Variants in WDR25 observed in about 807,000 individuals in gnomAD.
WDR25 encodes WD repeat-containing protein 25.
Under a neutral mutation model 47.7 loss-of-function variants are expected in WDR25, and 35 were observed. The observed-to-expected ratio is 0.73, with a 90% CI of 0.56 to 0.97. The LOEUF is 0.97. Ranked by LOEUF, WDR25 falls within the 50% of genes least tolerant of loss-of-function variation. WDR25 has a pLI of 0.00. For synonymous variants in WDR25, 248 were observed against 278.9 expected, an observed-to-expected ratio of 0.89 and a Z score of 1.10; for missense variants, 634 against 704.7, an observed-to-expected ratio of 0.90 and a Z score of 1.14.
At chr14:100,491,058 G>GT (rs1177523661) in intron 4 of WDR25, among the ~76,000 whole-genome samples, 1 of 152,186 alleles carries the variant, frequency 6.6e-6, no homozygotes, top group African/African-American at 2.4e-5. Context: ...AACTGGGGAC[G>GT]TGGTGGAGCC....
At position 100,424,175 on chromosome 14, in the gene WDR25, C is replaced by G. The variant is rs747907056; in HGVS notation, c.822+42429C>G. Among the ~76,000 whole-genome samples the G allele has an allele frequency of 1.3e-5, 2 of 152,176 alleles. No homozygotes were observed. Among genetic ancestry groups the G allele is most frequent in the Non-Finnish European group, 2.9e-5 (2 of 68,044 alleles). ...GGCACCACGGGCGAGGCCTCCCAGG[C>G]TGGCTGGGTGAGTGTTCCTGAGCCC... On this transcript the variant is annotated intron_variant, in intron 2 of 6. Coordinates refer to ENST00000402312, the MANE Select transcript of WDR25 (RefSeq NM_001161476.3). This position sits in a 1 kb window ranked among gnomAD's most constrained non-coding sequence, Gnocchi z 4.2.
rs1335367459 is a variant in WDR25, at chr14:100,407,852, G to A, written c.822+26106G>A. Among the ~76,000 whole-genome samples, 1 of 152,142 alleles carries A rather than the reference G, an allele frequency of 6.6e-6. No homozygotes were observed. The highest frequency in any genetic ancestry group is 2.4e-5 in the African/African-American group (1 of 41,418). On this transcript the variant is annotated intron_variant, in intron 2 of 6. Coordinates refer to ENST00000402312, the MANE Select transcript of WDR25 (RefSeq NM_001161476.3). This position sits in a 1 kb window ranked among gnomAD's most constrained non-coding sequence, Gnocchi z 4.1. ...GCCTCTCACGTGTATTGCCTCTCAC[G>A]TGTATTGTCTGTGAGTGTGCTGGGC...
At position 100,517,106 on chromosome 14, in the gene WDR25, GTTTTTTTTTTTTTT is replaced by G. The variant is rs796096587; in HGVS notation, c.1102-8750_1102-8737del. 5.8e-4 allele frequency among the ~76,000 whole-genome samples: 38 copies of G among 65,890 alleles called. 2 individuals carry two copies. In the South Asian group the frequency reaches 0.014, roughly 24 times the overall value. 43.2% of individuals were successfully genotyped at this position (65,890 alleles called of 152,430 possible). On this transcript the variant is annotated intron_variant, in intron 4 of 6. Coordinates refer to ENST00000402312, the MANE Select transcript of WDR25 (RefSeq NM_001161476.3). ...CCACTGCACCTGACATATCTCCTCT[GTTTTTTTTTTTTTT>G]TTTTTTTTTTTTTGAGACGGAGTCT...
chr14:100,453,990 G>A (rs908443125), intron 2 of WDR25, among the ~76,000 whole-genome samples: 8 of 152,076 alleles, frequency 5.3e-5, no homozygotes, highest in Non-Finnish European at 1.0e-4. Flanking sequence ...CCTTTCCTTC[G>A]AGAGACCTTG....
intron 2 of WDR25, among the ~76,000 whole-genome samples, chr14:100,427,110 C>T (rs767795964): frequency 3.9e-5 from 6 of 152,156 alleles, no homozygotes; most frequent in Non-Finnish European, 7.3e-5. Flanking sequence ...TCCTCCTCCT[C>T]CTCTCTGCTG....
rs571805441 is a variant in WDR25, at chr14:100,430,746, G to A, written c.823-37275G>A. On this transcript the variant is annotated intron_variant, in intron 2 of 6. Coordinates refer to ENST00000402312, the MANE Select transcript of WDR25 (RefSeq NM_001161476.3). The surrounding 1 kb of genome is among the most constrained non-coding windows in gnomAD (Gnocchi z 4.7). ...GATGGTGGAGATGCAGGAAGCCCAT[G>A]CTGACGTGCGGAGTGGGCCTGCACA... 1.3e-5 allele frequency among the ~76,000 whole-genome samples: 2 copies of A among 152,308 alleles called. No individual in the cohort carries two copies. Among genetic ancestry groups the A allele is most frequent in the East Asian group, 3.9e-4 (2 of 5,168 alleles).
intron 2 of WDR25, 134 bp downstream of exon 2, chr14:100,381,880 C>A: frequency 1.3e-6 from 1 of 761,410 alleles, no homozygotes; most frequent in Non-Finnish European, 2.1e-6. Context: ...TTGTTGCATT[C>A]CAGAAAGGGT....
At chr14:100,398,053 A>G (rs544052054) in intron 2 of WDR25, among the ~76,000 whole-genome samples, 1 of 152,230 alleles carries the variant, frequency 6.6e-6, no homozygotes, top group East Asian at 1.9e-4. Context: ...TGGCCAGGCT[A>G]TCTCCAACTC....
At chr14:100,517,440 T>TG (rs1345634579) in intron 4 of WDR25, among the ~76,000 whole-genome samples, 1 of 152,216 alleles carries the variant, frequency 6.6e-6, no homozygotes, top group African/African-American at 2.4e-5. Context: ...TTTTTGGTTA[T>TG]GTCTCTTTGT....
chr14:100,445,754 A>T (rs1898811628), intron 2 of WDR25, among the ~76,000 whole-genome samples: 1 of 152,170 alleles, frequency 6.6e-6, no homozygotes, highest in Non-Finnish European at 1.5e-5. Context: ...GGAGGTGGGC[A>T]CAGAACGTGT....
chr14:100,384,462 C>A (rs935053707), intron 2 of WDR25, among the ~76,000 whole-genome samples: 1 of 152,224 alleles, frequency 6.6e-6, no homozygotes, highest in Admixed American at 6.5e-5. Flanking sequence ...CCAGAAGTCC[C>A]GGCTGAGGCC....
chr14:100,473,366 T>C (rs1046051357), intron 3 of WDR25, among the ~76,000 whole-genome samples: 1 of 152,192 alleles, frequency 6.6e-6, no homozygotes, highest in Non-Finnish European at 1.5e-5. Context: ...AGTGCTGGCA[T>C]GTGACTAGTA....
At chr14:100,443,121 C>T (rs1421965647) in intron 2 of WDR25, among the ~76,000 whole-genome samples, 1 of 152,236 alleles carries the variant, frequency 6.6e-6, no homozygotes, top group Non-Finnish European at 1.5e-5. Context: ...GGTGTGTTCA[C>T]ACCTTAGGCC....
chr14:100,516,522 T>C (rs1452892266), intron 4 of WDR25, among the ~76,000 whole-genome samples: 2 of 152,250 alleles, frequency 1.3e-5, no homozygotes, highest in Non-Finnish European at 2.9e-5. Context: ...CATCAGTTTT[T>C]GCTTCATGTA....
chr14:100,507,104 G>A (rs902502565), intron 4 of WDR25, among the ~76,000 whole-genome samples: 1 of 152,172 alleles, frequency 6.6e-6, no homozygotes, highest in African/African-American at 2.4e-5. Context: ...GCAGGGGCCA[G>A]TTTCATTTTT....
chr14:100,511,407 T>C (rs986666966), intron 4 of WDR25, among the ~76,000 whole-genome samples: 2 of 152,218 alleles, frequency 1.3e-5, no homozygotes, highest in African/African-American at 2.4e-5. Context: ...CATTTATTAG[T>C]TCTGGTTGTT....
At chr14:100,496,892 G>C (rs1440813730) in intron 4 of WDR25, among the ~76,000 whole-genome samples, 1 of 123,618 alleles carries the variant, frequency 8.1e-6, no homozygotes, top group South Asian at 2.7e-4. Flanking sequence ...CTGGAGTGTA[G>C]TGGTATGATT....
chr14:100,454,502 C>A (rs772566570), intron 2 of WDR25: 1 of 1,201,908 alleles, frequency 8.3e-7, no homozygotes, highest in East Asian at 5.7e-5. Flanking sequence ...CCACAGCTAA[C>A]AACTATAAAC....
chr14:100,391,521 ATGT>A (rs1049820409), intron 2 of WDR25, among the ~76,000 whole-genome samples: 7 of 152,316 alleles, frequency 4.6e-5, no homozygotes, highest in Admixed American at 3.9e-4. Context: ...CAAAAAAGAA[ATGT>A]TGTTTTTGAC....
Sources: allele counts gnomAD v4.1 joint callset (sites outside exome capture counted in the v4.1 genomes callset), GRCh38; gene constraint gnomAD v4.1.1; non-coding constraint Gnocchi (gnomAD v3.1); transcripts MANE v1.5; gene names NCBI Gene and HGNC (gene_info 2026-07-23, HGNC 2026-07-21).